The following ATF3 variants were observed in gnomAD, a reference collection of about 807,000 sequenced individuals.
ATF3 encodes activating transcription factor 3.
ATF3 carries 10 observed loss-of-function variants against 18.4 expected under a neutral mutation model. The ratio of observed to expected loss-of-function variants is 0.54; its 90% CI spans 0.34 to 0.92. ATF3 has a LOEUF of 0.92. Ranked by LOEUF, ATF3 falls within the 40% of genes least tolerant of loss-of-function variation. The pLI is 0.02. For synonymous variants in ATF3, 78 were observed against 87.9 expected (o/e 0.89, Z 0.63); for missense variants, 183 against 222.3 (o/e 0.82, Z 1.12).
chr1:212,579,627 G>A (rs1664643219), intron 1 of ATF3, among the ~76,000 whole-genome samples: 2 of 152,180 alleles, frequency 1.3e-5, no homozygotes, highest in Non-Finnish European at 2.9e-5. Flanking sequence ...TGGTGTAAGA[G>A]TTAAAAGACC....
chr1:212,573,373 T>C (rs1010543805), intron 1 of ATF3, among the ~76,000 whole-genome samples: 3 of 152,058 alleles, frequency 2.0e-5, no homozygotes, highest in Admixed American at 6.5e-5. Context: ...TTGGATTTTC[T>C]TTTTTAGCCT....
chr1:212,602,959 A>G (rs1289091068), intron 1 of ATF3, among the ~76,000 whole-genome samples: 1 of 152,216 alleles, frequency 6.6e-6, no homozygotes, highest in Non-Finnish European at 1.5e-5. Context: ...TTTTTTATTT[A>G]AGGCAGACAC....
chr1:212,609,614 C>A (rs953381462), intron 1 of ATF3, among the ~76,000 whole-genome samples: 111 of 152,172 alleles, frequency 7.3e-4, no homozygotes, highest in African/African-American at 1.5e-3. Flanking sequence ...TGTCCCGGGG[C>A]GGAAGACGGG....
chr1:212,565,544 G>C (rs1558221103), intron 1 of ATF3: 1 of 152,192 alleles, frequency 6.6e-6, no homozygotes, highest in Admixed American at 6.5e-5. Flanking sequence ...CAGGAGAAAG[G>C]TGTTTGGTCA....
intron 1 of ATF3, among the ~76,000 whole-genome samples, chr1:212,571,447 G>A (rs929167262): frequency 6.6e-6 from 1 of 151,936 alleles, no homozygotes; most frequent in Admixed American, 6.6e-5. Context: ...TCACTGTGTT[G>A]CCCAGGCTGG....
chr1:212,594,626 G>T (rs1664954675), intron 1 of ATF3, among the ~76,000 whole-genome samples: 1 of 152,146 alleles, frequency 6.6e-6, no homozygotes, highest in Non-Finnish European at 1.5e-5. Context: ...GGGTGGCAGG[G>T]GTACAAGAGA....
At chr1:212,581,079 A>G (rs759333092) in intron 1 of ATF3, among the ~76,000 whole-genome samples, 1 of 152,208 alleles carries the variant, frequency 6.6e-6, no homozygotes, top group African/African-American at 2.4e-5. Context: ...ATATAATAGT[A>G]TATTTTACAG....
At chr1:212,583,405 G>A (rs1664720227) in intron 1 of ATF3, among the ~76,000 whole-genome samples, 1 of 152,162 alleles carries the variant, frequency 6.6e-6, no homozygotes, top group Admixed American at 6.5e-5. Flanking sequence ...GAAACTGATG[G>A]CACACACAGC....
chr1:212,604,361 T>C (rs1265622440), upstream of ATF3, among the ~76,000 whole-genome samples: 1 of 152,194 alleles, frequency 6.6e-6, no homozygotes, highest in Non-Finnish European at 1.5e-5. Context: ...TGGGAATATC[T>C]GCTACCTGGG....
At chr1:212,614,930 T>C in intron 1 of ATF3, 88 bp from the exon 2 acceptor site, 2 of 1,610,724 alleles carry the variant, frequency 1.2e-6, no homozygotes, top group Non-Finnish European at 1.7e-6. Flanking sequence ...AGGGTGGGGC[T>C]CTGGTGTTGG....
rs1046703389 is a variant in ATF3, at chr1:212,596,300, G to A, written c.-4-18718G>A. ...GTGCCTACTGATCTTTATCACTAGC[G>A]TGTTAGCAAGGTTAGCATTCCACTT... On this transcript the variant is annotated intron_variant, in intron 1 of 3. Transcript: ENST00000366981. Among the ~76,000 whole-genome samples, 7 of 152,150 alleles carry A rather than the reference G, an allele frequency of 4.6e-5. No homozygotes were observed. The East Asian group carries it at 7.7e-4, about 17-fold the overall frequency.
At chr1:212,586,510 G>A (rs996645669) in intron 1 of ATF3, among the ~76,000 whole-genome samples, 3 of 152,168 alleles carry the variant, frequency 2.0e-5, no homozygotes, top group East Asian at 3.8e-4. Context: ...AGGAGTATTC[G>A]GTGAATGAAT....
At position 212,615,406 on chromosome 1, in the gene ATF3, G is replaced by A. The variant is rs571019340; in HGVS notation, c.240+145G>A. ...TCAGGGAGCTTACCTTCTCCTGGGA[G>A]GAGACAGAAGTACATAACATACGTA... On this transcript the variant is annotated intron_variant, in intron 2 of 3. Transcript: ENST00000341491. 2.8e-5 allele frequency: 29 copies of A among 1,033,492 alleles called. No individual in the cohort carries two copies. In the Admixed American group the frequency reaches 4.0e-4, roughly 14 times the overall value. 64.0% of individuals were successfully genotyped at this position (1,033,492 alleles called of 1,614,324 possible).
intron 1 of ATF3, among the ~76,000 whole-genome samples, chr1:212,569,948 C>T (rs1006613852): frequency 1.8e-4 from 27 of 152,082 alleles, no homozygotes; most frequent in African/African-American, 6.3e-4. Context: ...ATATATGTTG[C>T]TCTTGATGTA....
intron 1 of ATF3, among the ~76,000 whole-genome samples, chr1:212,598,812 A>G (rs1209562481): frequency 6.6e-6 from 1 of 152,218 alleles, no homozygotes; most frequent in Non-Finnish European, 1.5e-5. Flanking sequence ...TTATAACTGA[A>G]TAGTACTCCA....
At chr1:212,587,437 A>T (rs1664800004) in intron 1 of ATF3, among the ~76,000 whole-genome samples, 1 of 152,216 alleles carries the variant, frequency 6.6e-6, no homozygotes, top group Non-Finnish European at 1.5e-5. Flanking sequence ...TGCAGAAGTC[A>T]GGATTGCTGC....
intron 1 of ATF3, among the ~76,000 whole-genome samples, chr1:212,595,539 A>C (rs1664974967): frequency 6.6e-6 from 1 of 152,242 alleles, no homozygotes; most frequent in African/African-American, 2.4e-5. Flanking sequence ...CCCAATGCAC[A>C]GGGACCGGAA....
chr1:212,570,482 C>T, intron 1 of ATF3, among the ~76,000 whole-genome samples: 1 of 152,056 alleles, frequency 6.6e-6, no homozygotes, highest in Non-Finnish European at 1.5e-5. Context: ...GATGGTTGCA[C>T]ATATCTATGA....
In ATF3 at chr1:212,567,874, C is replaced by T. The variant is rs556490204; in HGVS notation, c.-5+2391C>T. Among the ~76,000 whole-genome samples, 38 of 152,168 alleles carry T rather than the reference C, an allele frequency of 2.5e-4. No homozygotes were observed. The Middle Eastern group carries it at 0.01, about 41-fold the overall frequency. ...AGTGCAGTGTGCCAAGTATTTAGAC[C>T]TCAGGAGAGAAAAACTGGGCTCCAG... On this transcript the variant is annotated intron_variant, in intron 1 of 3. Coordinates refer to the ATF3 transcript ENST00000366981.
Sources: gnomAD v4.1 joint callset for allele counts (sites outside exome capture counted in the v4.1 genomes callset) on GRCh38, gnomAD v4.1.1 for gene constraint, MANE v1.5 for transcripts, NCBI Gene and HGNC (gene_info 2026-07-23, HGNC 2026-07-21) for gene names.